The following CTNNA2 variants were observed in gnomAD, a reference collection of about 807,000 sequenced individuals.
The protein encoded by CTNNA2 is catenin alpha-2.
Under a neutral mutation model 101.0 loss-of-function variants are expected in CTNNA2, and 42 were observed. The observed-to-expected ratio is 0.42, with a 90% CI of 0.32 to 0.54. The LOEUF (loss-of-function observed/expected upper bound fraction) is 0.54, where lower values mean the gene tolerates loss of function less well. Among genes scored for constraint, CTNNA2 ranks in the 20% least tolerant of loss-of-function variants. The probability of loss-of-function intolerance (pLI) is 0.14; values close to 1 mark genes in which losing one functional copy is unlikely to be tolerated. For missense variants in CTNNA2, 871 were observed against 1,223.1 expected (o/e 0.71, Z 4.29); for synonymous variants, 450 against 456.4 (o/e 0.99, Z 0.18).
chr2:79,796,394 C>CAAAAA (rs386390569), intron 3 of CTNNA2, among the ~76,000 whole-genome samples: 2,098 of 94,700 alleles, frequency 0.022, 85 homozygotes, highest in East Asian at 0.14. Context: ...GACTCCGTCT[C>CAAAAA]AAAAAAAAAA....
intron 9 of CTNNA2, among the ~76,000 whole-genome samples, chr2:80,465,368 A>T: frequency 6.6e-6 from 1 of 151,244 alleles, no homozygotes; most frequent in East Asian, 2.0e-4. Context: ...CTATGTAGTC[A>T]GTGTTTATTG....
intron 7 of CTNNA2, among the ~76,000 whole-genome samples, chr2:80,383,724 C>G (rs1313448677): frequency 6.6e-6 from 1 of 151,848 alleles, no homozygotes; most frequent in Non-Finnish European, 1.5e-5. Flanking sequence ...TAGAACTGGA[C>G]CATTATGAAG....
intron 9 of CTNNA2, among the ~76,000 whole-genome samples, chr2:80,530,430 A>G (rs929017569): frequency 6.6e-6 from 1 of 152,250 alleles, no homozygotes; most frequent in African/African-American, 2.4e-5. Flanking sequence ...AATGAAAACC[A>G]GGAGGCCTTG....
chr2:79,384,508 G>T (rs1678076335), intron 4 of CTNNA2, among the ~76,000 whole-genome samples: 1 of 149,616 alleles, frequency 6.7e-6, no homozygotes. Flanking sequence ...TTGAAATAAA[G>T]GTTATAAGAA....
rs1674234551 is a variant in CTNNA2 at position 79,215,171 on chromosome 2, G to A, written c.-406+17095G>A. On this transcript the variant is annotated intron_variant, in intron 2 of 21. Transcript: ENST00000466387. ...TCTGGGAGTGGCTGCCAGGTGAGTT[G>A]AACAGTCCGATTTTCAGTGGGGTCC... Among the ~76,000 whole-genome samples, 4 of 152,174 alleles carry A rather than the reference G, an allele frequency of 2.6e-5. 1 individual carries two copies. The South Asian group carries it at 8.3e-4, about 32-fold the overall frequency.
intron 7 of CTNNA2, among the ~76,000 whole-genome samples, chr2:80,373,406 T>C (rs1027364894): frequency 2.6e-5 from 4 of 152,174 alleles, no homozygotes; most frequent in African/African-American, 9.7e-5. Context: ...TAAAGAAATA[T>C]TGCCCATAAG....
At chr2:79,823,931 A>C (rs980315524) in intron 3 of CTNNA2, among the ~76,000 whole-genome samples, 2 of 152,188 alleles carry the variant, frequency 1.3e-5, no homozygotes, top group African/African-American at 4.8e-5. Context: ...TGAGGACTGA[A>C]TATAAAGACT....
intron 9 of CTNNA2, among the ~76,000 whole-genome samples, chr2:80,470,201 CCA>C (rs1434294832): frequency 6.6e-6 from 1 of 152,296 alleles, no homozygotes; most frequent in East Asian, 1.9e-4. Context: ...CTCTTGCCTA[CCA>C]CTTTGTCTAC....
chr2:79,641,184 A>C (rs898166707), intron 1 of CTNNA2, among the ~76,000 whole-genome samples: 1 of 152,160 alleles, frequency 6.6e-6, no homozygotes, highest in African/African-American at 2.4e-5. Flanking sequence ...AGAATTAAGC[A>C]GTTGTTTTGG....
At chr2:79,203,179 C>CT (rs1168481199) in intron 2 of CTNNA2, among the ~76,000 whole-genome samples, 6 of 152,248 alleles carry the variant, frequency 3.9e-5, no homozygotes, top group African/African-American at 1.4e-4. Flanking sequence ...TGCATGTTTT[C>CT]TCCTCTTTGA....
rs188203952 is a variant in CTNNA2, at chr2:79,333,091, A to G, written c.-318+20295A>G. On this transcript the variant is annotated intron_variant, in intron 3 of 21. Transcript: ENST00000466387. Reference sequence around the variant, plus strand: ...GAAACGCAACAGACAAATTTTAAAAATCAAGATGGATGTTTTGAATCATCA... The same window carrying G: ...GAAACGCAACAGACAAATTTTAAAAGTCAAGATGGATGTTTTGAATCATCA... 5.3e-5 allele frequency among the ~76,000 whole-genome samples: 8 copies of G among 152,336 alleles called. No individual in the cohort carries two copies. In the East Asian group the frequency reaches 9.6e-4, roughly 18 times the overall value.
intron 7 of CTNNA2, among the ~76,000 whole-genome samples, chr2:80,301,287 G>A (rs1162749248): frequency 6.6e-6 from 1 of 152,146 alleles, no homozygotes; most frequent in South Asian, 2.1e-4. Context: ...CCTAAACATC[G>A]GGATTCTGCC....
At chr2:79,367,094 T>A (rs1677768107) in intron 3 of CTNNA2, among the ~76,000 whole-genome samples, 1 of 152,014 alleles carries the variant, frequency 6.6e-6, no homozygotes, top group South Asian at 2.1e-4. Flanking sequence ...CATGATAGGG[T>A]TAGAGGGCTT....
At chr2:79,617,286 T>C (rs1159902595) in intron 1 of CTNNA2, among the ~76,000 whole-genome samples, 1 of 152,232 alleles carries the variant, frequency 6.6e-6, no homozygotes, top group African/African-American at 2.4e-5. Context: ...TTAAATTTTC[T>C]GTTAATTCAG....
intron 5 of CTNNA2, among the ~76,000 whole-genome samples, chr2:79,506,074 G>C (rs1029849856): frequency 7.2e-5 from 11 of 152,148 alleles, no homozygotes; most frequent in Non-Finnish European, 1.3e-4. Context: ...TGTAGAATTG[G>C]AGATCTATTA....
intron 9 of CTNNA2, among the ~76,000 whole-genome samples, chr2:80,423,310 A>G (rs1680699448): frequency 6.6e-6 from 1 of 152,072 alleles, no homozygotes; most frequent in African/African-American, 2.4e-5. Context: ...TGCTGTACTC[A>G]TTTAAGGATA....
chr2:80,015,833 C>T, intron 7 of CTNNA2, among the ~76,000 whole-genome samples: 1 of 152,154 alleles, frequency 6.6e-6, no homozygotes, highest in Admixed American at 6.5e-5. Flanking sequence ...ATCTAATTTT[C>T]ATACCCATTT....
chr2:80,143,938 C>G (rs1703170541), intron 7 of CTNNA2, among the ~76,000 whole-genome samples: 1 of 152,172 alleles, frequency 6.6e-6, no homozygotes, highest in African/African-American at 2.4e-5. Flanking sequence ...AAAGCAGTCA[C>G]ATCTCATGTT....
chr2:79,871,724 C>A (rs142451179), intron 5 of CTNNA2, among the ~76,000 whole-genome samples: 2 of 152,146 alleles, frequency 1.3e-5, no homozygotes, highest in African/African-American at 4.8e-5. Flanking sequence ...CTTCTAGATA[C>A]CCCTCAATCC....
Sources: allele counts gnomAD v4.1 joint callset (sites outside exome capture counted in the v4.1 genomes callset), GRCh38; gene constraint gnomAD v4.1.1; transcripts MANE v1.5; gene names NCBI Gene and HGNC (gene_info 2026-07-23, HGNC 2026-07-21).